The following TENM2 variants were observed in gnomAD, a reference collection of about 807,000 sequenced individuals.
TENM2 encodes the protein teneurin transmembrane protein 2, also known as teneurin-2.
Under a neutral mutation model 245.2 loss-of-function variants are expected in TENM2, and 52 were observed. That is an observed-to-expected ratio of 0.21 (90% CI 0.17 to 0.27). The LOEUF is 0.27. Ranked by LOEUF, TENM2 falls within the 10% of genes least tolerant of loss-of-function variation. TENM2 has a pLI of 1.00. For synonymous variants in TENM2, 1,363 were observed against 1,438.9 expected (o/e 0.95, Z 1.19); for missense variants, 3,046 against 3,666.8 (o/e 0.83, Z 4.37).
chr5:167,398,633 T>G (rs550129168), intron 2 of TENM2, among the ~76,000 whole-genome samples: 1 of 152,074 alleles, frequency 6.6e-6, no homozygotes, highest in African/African-American at 2.4e-5. Flanking sequence ...AGAGATAGGG[T>G]TTCACCCTGT....
intron 5 of TENM2, among the ~76,000 whole-genome samples, chr5:168,043,145 A>G (rs1281709447): frequency 6.6e-6 from 1 of 152,148 alleles, no homozygotes; most frequent in Non-Finnish European, 1.5e-5. Context: ...GAACCACCCC[A>G]GTGCATCCAG....
chr5:167,935,565 A>G (rs1224925813), intron 3 of TENM2, among the ~76,000 whole-genome samples: 1 of 152,212 alleles, frequency 6.6e-6, no homozygotes, highest in Non-Finnish European at 1.5e-5. Context: ...AAGGATAAGG[A>G]GAGTAATGAA....
At chr5:167,259,778 A>G in the TENM2 span, among the ~76,000 whole-genome samples, 2 of 152,152 alleles carry the variant, frequency 1.3e-5, no homozygotes, top group Admixed American at 6.6e-5. Context: ...TTAAACAAAA[A>G]AATTCTAATA....
intron 5 of TENM2, among the ~76,000 whole-genome samples, chr5:168,030,836 G>A (rs1402224965): frequency 6.6e-6 from 1 of 152,210 alleles, no homozygotes; most frequent in Non-Finnish European, 1.5e-5. Context: ...TTTTTACACA[G>A]TGGCATCTCC....
intron 25 of TENM2, among the ~76,000 whole-genome samples, chr5:168,239,986 G>T (rs1765939244): frequency 6.6e-6 from 1 of 152,162 alleles, no homozygotes; most frequent in Non-Finnish European, 1.5e-5. Flanking sequence ...GAGAGACTGA[G>T]GTAGGCAGAT....
intron 5 of TENM2, among the ~76,000 whole-genome samples, chr5:168,032,334 GT>G (rs1489293266): frequency 1.3e-5 from 2 of 152,202 alleles, no homozygotes; most frequent in African/African-American, 4.8e-5. Context: ...TGCCTTGAGA[GT>G]TTGCCATATC....
At chr5:167,336,307 T>C (rs1057251810) in intron 1 of TENM2, among the ~76,000 whole-genome samples, 1 of 150,184 alleles carries the variant, frequency 6.7e-6, no homozygotes, top group African/African-American at 2.4e-5. Context: ...CAACGAGCCC[T>C]ACTTGGGAGA....
At chr5:167,889,437 C>A (rs1774561297) in intron 3 of TENM2, among the ~76,000 whole-genome samples, 1 of 152,146 alleles carries the variant, frequency 6.6e-6, no homozygotes, top group African/African-American at 2.4e-5. Flanking sequence ...GATTGGATAC[C>A]GTGTTTTCTT....
At chr5:168,170,454 A>T (rs1758703607) in intron 13 of TENM2, among the ~76,000 whole-genome samples, 1 of 152,126 alleles carries the variant, frequency 6.6e-6, no homozygotes, top group African/African-American at 2.4e-5. Flanking sequence ...CAGTGAGGCA[A>T]GATCGCACCA....
chr5:167,041,008 C>A, the TENM2 span, among the ~76,000 whole-genome samples: 4 of 152,052 alleles, frequency 2.6e-5, no homozygotes, highest in Non-Finnish European at 4.4e-5. Flanking sequence ...TACTAGATAC[C>A]AATAAGGTTC....
intron 2 of TENM2, among the ~76,000 whole-genome samples, chr5:167,462,806 A>C (rs1015072391): frequency 6.6e-6 from 1 of 151,964 alleles, no homozygotes; most frequent in Non-Finnish European, 1.5e-5. Flanking sequence ...ACATTTGAGC[A>C]CAAAAACAGG....
At chr5:167,903,074 G>T (rs2151527599) in intron 3 of TENM2, among the ~76,000 whole-genome samples, 1 of 152,242 alleles carries the variant, frequency 6.6e-6, no homozygotes, top group Non-Finnish European at 1.5e-5. Flanking sequence ...GCATCACTTT[G>T]TACCCCATGA....
chr5:167,705,773 C>T (rs1758461267), intron 2 of TENM2, among the ~76,000 whole-genome samples: 1 of 151,802 alleles, frequency 6.6e-6, no homozygotes, highest in Admixed American at 6.6e-5. Flanking sequence ...CCTGTTTCCC[C>T]TACTCCCCAG....
At chr5:167,925,016 C>T (rs1451548793) in intron 3 of TENM2, among the ~76,000 whole-genome samples, 1 of 152,164 alleles carries the variant, frequency 6.6e-6, no homozygotes, top group African/African-American at 2.4e-5. Flanking sequence ...AACAATCCCA[C>T]TCATCAGTAT....
chr5:167,591,594 A>G (rs962142104), intron 2 of TENM2, among the ~76,000 whole-genome samples: 1 of 152,236 alleles, frequency 6.6e-6, no homozygotes, highest in Non-Finnish European at 1.5e-5. Flanking sequence ...TAGTGGTTGT[A>G]GTTGAAGTAG....
chr5:167,138,865 C>T, the TENM2 span, among the ~76,000 whole-genome samples: 1 of 152,178 alleles, frequency 6.6e-6, no homozygotes, highest in African/African-American at 2.4e-5. Flanking sequence ...TTAGGTGATC[C>T]ACCCACCTCA....
chr5:168,136,158 A>G (rs1401163428), intron 12 of TENM2, among the ~76,000 whole-genome samples: 1 of 152,150 alleles, frequency 6.6e-6, no homozygotes, highest in African/African-American at 2.4e-5. Flanking sequence ...TTCAAGATAG[A>G]ACGGACACGT....
intron 2 of TENM2, among the ~76,000 whole-genome samples, chr5:167,656,450 T>C (rs1446748433): frequency 1.3e-5 from 2 of 152,010 alleles, no homozygotes; most frequent in Non-Finnish European, 2.9e-5. Context: ...CCTGGGACAG[T>C]GAGCAAAGGC....
At chr5:168,237,718 ATTAT>A (rs1486878866) in intron 25 of TENM2, among the ~76,000 whole-genome samples, 4 of 151,788 alleles carry the variant, frequency 2.6e-5, no homozygotes, top group African/African-American at 9.7e-5. Flanking sequence ...CTAATGATGC[ATTAT>A]TTAATTATTA....
Sources: allele counts gnomAD v4.1 joint callset (sites outside exome capture counted in the v4.1 genomes callset), GRCh38; gene constraint gnomAD v4.1.1; transcripts MANE v1.5; gene names NCBI Gene and HGNC (gene_info 2026-07-23, HGNC 2026-07-21).